The following NFIX variants were observed in gnomAD, a reference collection of about 807,000 sequenced individuals.
NFIX encodes nuclear factor I X.
A neutral mutation model predicts 53.3 loss-of-function variants in NFIX; 2 were observed. That is an observed-to-expected ratio of 0.04 (90% CI 0.02 to 0.12). The LOEUF (loss-of-function observed/expected upper bound fraction) is 0.12, where lower values mean the gene tolerates loss of function less well. Among genes scored for constraint, NFIX ranks in the 10% least tolerant of loss-of-function variants. The pLI, the probability that NFIX is intolerant of heterozygous loss-of-function variation, is 1.00. For missense variants in NFIX, 310 were observed against 674.5 expected (o/e 0.46, Z 5.99); for synonymous variants, 244 against 289.0 (o/e 0.84, Z 1.58).
chr19:13,033,226 G>A (rs923191793), intron 2 of NFIX, among the ~76,000 whole-genome samples: 8 of 152,208 alleles, frequency 5.3e-5, no homozygotes, highest in South Asian at 2.1e-4. Flanking sequence ...GGTTGTTGGC[G>A]TTAGAATAGG....
At chr19:13,087,058 A>G (rs1228465333) in intron 8 of NFIX, among the ~76,000 whole-genome samples, 5 of 152,228 alleles carry the variant, frequency 3.3e-5, no homozygotes, top group African/African-American at 9.6e-5. Context: ...TGCAGTGGTC[A>G]TCAGGGTCCT....
chr19:13,032,959 G>C (rs1384844052), intron 2 of NFIX, among the ~76,000 whole-genome samples: 3 of 152,196 alleles, frequency 2.0e-5, no homozygotes, highest in Non-Finnish European at 4.4e-5. Flanking sequence ...TGGGAAGAGA[G>C]TGCCACAGAC....
chr19:12,997,734 C>G (rs116326535), intron 1 of NFIX, among the ~76,000 whole-genome samples: 1,865 of 152,350 alleles, frequency 0.012, 36 homozygotes, highest in African/African-American at 0.042. Context: ...TCCCCCATGG[C>G]TTGGGTGAGA....
chr19:13,079,538 C>T (rs772058438), intron 7 of NFIX, among the ~76,000 whole-genome samples: 5 of 152,322 alleles, frequency 3.3e-5, no homozygotes, highest in East Asian at 1.9e-4. Flanking sequence ...GCCCTATGTC[C>T]GCCTGCCATC....
chr19:13,080,358 C>A (rs148583189), intron 7 of NFIX, among the ~76,000 whole-genome samples: 3 of 152,144 alleles, frequency 2.0e-5, no homozygotes, highest in African/African-American at 7.2e-5. Flanking sequence ...CTCCCAGACT[C>A]AAGTGATCCC....
At chr19:13,057,275 C>G (rs767134726) in intron 2 of NFIX, among the ~76,000 whole-genome samples, 2 of 152,142 alleles carry the variant, frequency 1.3e-5, no homozygotes, top group Non-Finnish European at 2.9e-5. Flanking sequence ...CTGTGCAGAG[C>G]GGGGAGCGAG....
intron 2 of NFIX, among the ~76,000 whole-genome samples, chr19:13,063,295 C>T (rs1229477522): frequency 6.6e-6 from 1 of 152,130 alleles, no homozygotes; most frequent in Admixed American, 6.5e-5. Context: ...TTTTCCTTTT[C>T]TTCTTCCTTC....
rs2013274771 is a variant in NFIX, at chr19:13,025,583, A to G, written c.559+31A>G. ...TCGTTCTCAACCATTTTTCCCTCTCATTTTATTTTCCTTGCTGGCATTTGT... is the reference window on the plus strand; with the variant it reads ...TCGTTCTCAACCATTTTTCCCTCTCGTTTTATTTTCCTTGCTGGCATTTGT... On this transcript the variant is annotated intron_variant, in intron 2 of 10. Transcript: ENST00000592199. This position sits in a 1 kb window ranked among gnomAD's most constrained non-coding sequence, Gnocchi z 7.5. 3 of 1,590,196 alleles carry G rather than the reference A, an allele frequency of 1.9e-6. No individual in the cohort carries two copies. The highest frequency in any genetic ancestry group is 3.4e-5 in the Admixed American group (2 of 59,118).
At chr19:13,017,725 G>A (rs186343268) in intron 1 of NFIX, among the ~76,000 whole-genome samples, 3 of 152,298 alleles carry the variant, frequency 2.0e-5, no homozygotes, top group South Asian at 2.1e-4. Flanking sequence ...CTTCTCTCTC[G>A]ACTTCCAGAT....
Position 13,081,951 on chromosome 19 carries a change from A to G in NFIX, c.1254+96A>G. 6.9e-7 allele frequency: 1 copy of G among 1,458,572 alleles called. No individual in the cohort carries two copies. Among genetic ancestry groups the G allele is most frequent in the Non-Finnish European group, 9.4e-7 (1 of 1,067,272 alleles). 90.4% of individuals were successfully genotyped at this position (1,458,572 alleles called of 1,614,324 possible). Reference sequence around the variant, plus strand: ...ACAGGGAGAGGGCCCAAAAGCCAGGAGCCCACCTGGGGCTGGAGCAGCAGG... The same window carrying G: ...ACAGGGAGAGGGCCCAAAAGCCAGGGGCCCACCTGGGGCTGGAGCAGCAGG... On this transcript the variant is annotated intron_variant, in intron 8 of 10. Transcript: ENST00000592199. The surrounding 1 kb of genome is among the most constrained non-coding windows in gnomAD (Gnocchi z 4.7).
chr19:13,024,983 CT>C, intron 1 of NFIX, 37 bp from the exon 2 acceptor site: 5 of 1,558,898 alleles, frequency 3.2e-6, no homozygotes, highest in Non-Finnish European at 4.3e-6. Context: ...TCCTCCCGTC[CT>C]CCCTCGCCCC....
At chr19:13,015,284 A>G (rs563338031) in intron 1 of NFIX, among the ~76,000 whole-genome samples, 14 of 152,146 alleles carry the variant, frequency 9.2e-5, no homozygotes, top group Admixed American at 2.6e-4. Context: ...ATTTAATTTT[A>G]AAATTATAAA....
At chr19:13,074,082 C>T (rs1414178227) in intron 5 of NFIX, 56 bp downstream of exon 5, 2 of 1,606,306 alleles carry the variant, frequency 1.2e-6, no homozygotes, top group Middle Eastern at 1.7e-4. Flanking sequence ...AGGGCCAGGG[C>T]CGTCCCAGTG....
Position 13,096,556 on chromosome 19 carries a change from A to T in NFIX, c.*1907A>T. The T allele has an allele frequency of 6.6e-6, 1 of 150,674 alleles. No individual in the cohort carries two copies. Among genetic ancestry groups the T allele is most frequent in the East Asian group, 2.0e-4 (1 of 5,062 alleles). The allele number at this position is 150,674 out of a possible 1,614,324, so 9.3% of individuals were successfully genotyped here. A position where few individuals can be genotyped will look rare whatever the true frequency, so the allele number is the denominator to read the frequency against. ...GGACCCCAGGGCTGAGGGGCAGTGG[A>T]TCCTGCGGGAGTCTCCCGGGGCGTG... On this transcript the variant is annotated 3_prime_UTR_variant, in exon 11 of 11. Coordinates refer to ENST00000592199, the MANE Select transcript of NFIX (RefSeq NM_001365902.3).
rs1023659877 is a variant in NFIX, at chr19:13,078,299, A to G, written c.956-314A>G. On this transcript the variant is annotated intron_variant, in intron 6 of 10. Transcript: ENST00000592199. The surrounding 1 kb of genome is among the most constrained non-coding windows in gnomAD (Gnocchi z 4.7). ...GTCCTGCATCCCACCCTTTCACTTC[A>G]TTACCTGCTTGCCAGGGCATAGGCT... 1.3e-5 allele frequency among the ~76,000 whole-genome samples: 2 copies of G among 151,626 alleles called. No homozygotes were observed. The highest frequency in any genetic ancestry group is 2.9e-5 in the Non-Finnish European group (2 of 67,900).
intron 1 of NFIX, among the ~76,000 whole-genome samples, chr19:13,019,187 C>T (rs2012829417): frequency 6.6e-6 from 1 of 151,896 alleles, no homozygotes; most frequent in African/African-American, 2.4e-5. Flanking sequence ...ACTTCTTATG[C>T]TTCTAGATGT....
chr19:13,023,937 T>TCCCCCCCCCCCCCC, intron 1 of NFIX: 5 of 247,760 alleles, frequency 2.0e-5, no homozygotes, highest in East Asian at 1.2e-4. Flanking sequence ...CTGCTCCTCC[T>TCCCCCCCCCCCCCC]CCTCCCCCCT....
chr19:13,083,861 C>T (rs759013526), intron 8 of NFIX, among the ~76,000 whole-genome samples: 4 of 152,244 alleles, frequency 2.6e-5, no homozygotes. Flanking sequence ...CCAGAGGGCC[C>T]GGCTCCGCCA....
intron 6 of NFIX, among the ~76,000 whole-genome samples, chr19:13,076,982 C>G (rs556855895): frequency 6.6e-6 from 1 of 152,242 alleles, no homozygotes; most frequent in African/African-American, 2.4e-5. Flanking sequence ...TCGTGGCAGG[C>G]AGGGACTTGG....
Sources: allele counts gnomAD v4.1 joint callset (sites outside exome capture counted in the v4.1 genomes callset), GRCh38; gene constraint gnomAD v4.1.1; non-coding constraint Gnocchi (gnomAD v3.1); transcripts MANE v1.5; gene names NCBI Gene and HGNC (gene_info 2026-07-23, HGNC 2026-07-21).